Variants in TLE3 observed in about 807,000 individuals in gnomAD.
The protein encoded by TLE3 is transducin-like enhancer protein 3.
In TLE3, 14 loss-of-function variants were observed where a neutral mutation model predicts 93.0. The ratio of observed to expected loss-of-function variants is 0.15; its 90% confidence interval spans 0.10 to 0.24. The LOEUF (loss-of-function observed/expected upper bound fraction) is 0.24. Ranked by LOEUF, TLE3 falls within the 10% of genes least tolerant of loss-of-function variation. The pLI is 1.00. For synonymous variants in TLE3, 451 were observed against 425.0 expected, an observed-to-expected ratio of 1.06 and a Z score of -0.75; for missense variants, 693 against 1,046.6, an observed-to-expected ratio of 0.66 and a Z score of 4.66.
chr15:70,052,098 T>C (rs1328804621), intron 18 of TLE3, among the ~76,000 whole-genome samples: 1 of 152,252 alleles, frequency 6.6e-6, no homozygotes, highest in Non-Finnish European at 1.5e-5. Flanking sequence ...CCTGCACTGC[T>C]ACTGTCCTGT....
At chr15:70,055,002 T>A in intron 15 of TLE3, 47 bp downstream of exon 15, 3 of 1,545,654 alleles carry the variant, frequency 1.9e-6, no homozygotes, top group South Asian at 2.4e-5. Flanking sequence ...GGCTGCCCCA[T>A]CCTCCTACAC....
intron 14 of TLE3, 169 bp from the exon 15 acceptor site, chr15:70,055,467 C>T (rs570864438): frequency 4.0e-5 from 32 of 807,538 alleles, no homozygotes; most frequent in Admixed American, 3.7e-4. Flanking sequence ...ATGGCTCCAT[C>T]GAGGTAGACA....
chr15:70,056,468 C>T (rs1474757464), intron 13 of TLE3, 94 bp from the exon 14 acceptor site: 7 of 1,129,896 alleles, frequency 6.2e-6, no homozygotes, highest in South Asian at 4.1e-5. Flanking sequence ...CCTACCTGCA[C>T]GGCTCTGCCA....
chr15:70,096,422 C>T (rs1327395285), intron 1 of TLE3, 161 bp from the exon 2 acceptor site: 3 of 1,305,798 alleles, frequency 2.3e-6, no homozygotes, highest in Non-Finnish European at 2.1e-6. Context: ...GGAGGGGGGG[C>T]GCCCCATCTC....
chr15:70,094,936 C>G (rs1240127667), intron 3 of TLE3, among the ~76,000 whole-genome samples: 2 of 152,216 alleles, frequency 1.3e-5, no homozygotes, highest in African/African-American at 4.8e-5. Context: ...TGTCGAAGGC[C>G]TCTTATGTGG....
chr15:70,076,652 C>T (rs921133610), intron 4 of TLE3, among the ~76,000 whole-genome samples: 2 of 152,146 alleles, frequency 1.3e-5, no homozygotes, highest in African/African-American at 2.4e-5. Flanking sequence ...CTAGCCTCTC[C>T]CTCACCAAGA....
Position 70,058,317 on chromosome 15 carries a change from G to C in TLE3, c.919-26C>G, listed in dbSNP as rs150849507. ...CTGAAGAGGGGAGATGCAGAACAAGGGAGGCCATGAGGCTTCCATTCTCCT... is the reference window on the plus strand; with the variant it reads ...CTGAAGAGGGGAGATGCAGAACAAGCGAGGCCATGAGGCTTCCATTCTCCT... On this transcript the variant is annotated intron_variant, in intron 11 of 19. Transcript: ENST00000451782. The surrounding 1 kb of genome is among the most constrained non-coding windows in gnomAD (Gnocchi z 4.1). 323 of 1,576,844 alleles carry C rather than the reference G, an allele frequency of 2.0e-4. 1 individual carries two copies. The African/African-American group carries it at 4.1e-3, about 20-fold the overall frequency.
rs1421104708 is a variant in TLE3 at position 70,049,423 on chromosome 15, T to C, written c.*674A>G. On this transcript the variant is annotated 3_prime_UTR_variant, in exon 20 of 20. Transcript: ENST00000451782. ...AGCAGGCACCTTACGGCCAACCTGG[T>C]TGCCTTTTCCACACTCTAAGACTTT... The C allele has an allele frequency of 6.6e-6, 1 of 151,754 alleles. No individual in the cohort carries two copies. The highest frequency in any genetic ancestry group is 1.5e-5 in the Non-Finnish European group (1 of 67,992). 9.4% of individuals were successfully genotyped at this position (151,754 alleles called of 1,614,324 possible).
chr15:70,057,766 G>A, intron 12 of TLE3, 108 bp from the exon 13 acceptor site: 1 of 1,383,804 alleles, frequency 7.2e-7, no homozygotes, highest in South Asian at 1.3e-5. Context: ...GCCTGCTCCA[G>A]GCAGTCCTCT....
Position 70,053,230 on chromosome 15 carries a change from G to A in TLE3, c.1971C>T (p.Ser657=). The change falls in exon 17 of 20, where the codon TCC becomes TCT. Residue 657 remains serine (S), a synonymous_variant. Transcript: ENST00000451782. ...GRQLQQHDFT[S]QIFSLGYCPT... is the part of the protein sequence containing the mutation. ...GGAGGAGTCTTGGGCCGCACACCTGGGAAGTGAAGTCATGCTGCTGTAGCT... is the reference window on the plus strand; with the variant it reads ...GGAGGAGTCTTGGGCCGCACACCTGAGAAGTGAAGTCATGCTGCTGTAGCT... 5 of 1,609,266 alleles carry A rather than the reference G, an allele frequency of 3.1e-6. No homozygotes were observed. The highest frequency in any genetic ancestry group is 3.4e-6 in the Non-Finnish European group (4 of 1,177,932).
chr15:70,050,936 C>T (rs114802392), intron 19 of TLE3: 1 of 161,816 alleles, frequency 6.2e-6, no homozygotes, highest in African/African-American at 2.4e-5. Flanking sequence ...AAAGCCTCTT[C>T]CTTTCCTCCT....
Position 70,048,214 on chromosome 15 carries a change from T to C in TLE3, c.*1883A>G, listed in dbSNP as rs2055232447. 6.6e-6 allele frequency: 1 copy of C among 152,088 alleles called. No individual in the cohort carries two copies. The highest frequency in any genetic ancestry group is 2.1e-4 in the South Asian group (1 of 4,832). 9.4% of individuals were successfully genotyped at this position (152,088 alleles called of 1,614,324 possible). A position where few individuals can be genotyped will look rare whatever the true frequency, so the allele number is the denominator to read the frequency against. On this transcript the variant is annotated 3_prime_UTR_variant, in exon 20 of 20. Coordinates refer to ENST00000451782, the MANE Select transcript of TLE3 (RefSeq NM_001105192.3). The stretch of plus-strand genomic sequence containing the variant: ...CGCAACAATCAAACCAACCTTTAAA[T>C]AGTAACTTTTAAAAATATAAAAACA...
intron 4 of TLE3, among the ~76,000 whole-genome samples, chr15:70,090,266 G>A (rs145674665): frequency 1.0e-3 from 150 of 143,534 alleles, no homozygotes; most frequent in African/African-American, 3.6e-3. Flanking sequence ...AATATAGCAG[G>A]AAAAGTCAAG....
At chr15:70,090,248 G>T (rs988676321) in intron 4 of TLE3, among the ~76,000 whole-genome samples, 3 of 152,052 alleles carry the variant, frequency 2.0e-5, no homozygotes, top group African/African-American at 7.2e-5. Flanking sequence ...TCTGTTCCAG[G>T]GAAGATCAAT....
In TLE3 at chr15:70,058,047, G is replaced by T; in HGVS notation, c.1051+112C>A. 6.6e-7 allele frequency: 1 copy of T among 1,511,652 alleles called. No homozygotes were observed. Among genetic ancestry groups the T allele is most frequent in the Non-Finnish European group, 9.0e-7 (1 of 1,115,048 alleles). 93.6% of individuals were successfully genotyped at this position (1,511,652 alleles called of 1,614,324 possible). Reference sequence around the variant, plus strand: ...TGAAGTCCCCAGGGGCAGGCCCTGGGAGACACTGCCTGTGCTCTATCCCAT... The same window carrying T: ...TGAAGTCCCCAGGGGCAGGCCCTGGTAGACACTGCCTGTGCTCTATCCCAT... On this transcript the variant is annotated intron_variant, in intron 12 of 19. Transcript: ENST00000451782. This position sits in a 1 kb window ranked among gnomAD's most constrained non-coding sequence, Gnocchi z 4.1.
intron 17 of TLE3, 173 bp downstream of exon 17, chr15:70,053,054 T>C (rs1393686648): frequency 3.9e-6 from 3 of 763,136 alleles, no homozygotes; most frequent in Non-Finnish European, 6.1e-6. Context: ...GTCATCTCCA[T>C]CTGTTTCACT....
rs1364341020 is a variant in TLE3 at position 70,053,263 on chromosome 15, C to T, written c.1938G>A (p.Glu646=). 6.2e-7 allele frequency: 1 copy of T among 1,608,994 alleles called. No individual in the cohort carries two copies. The highest frequency in any genetic ancestry group is 8.5e-7 in the Non-Finnish European group (1 of 1,177,742). The change falls in exon 17 of 20, where the codon GAG becomes GAA. Residue 646 remains glutamate, a synonymous_variant. Coordinates refer to ENST00000451782, the MANE Select transcript of TLE3 (RefSeq NM_001105192.3). The part of the protein sequence containing the change: ...DNTVRSWDLR[E]GRQLQQHDFT... Reference sequence around the variant, plus strand: ...AGTCATGCTGCTGTAGCTGTCGGCCCTCCCGCAGGTCCCAGGAGCGCACCG... The same window carrying T: ...AGTCATGCTGCTGTAGCTGTCGGCCTTCCCGCAGGTCCCAGGAGCGCACCG...
chr15:70,096,465 A>C, intron 1 of TLE3: 2 of 1,148,092 alleles, frequency 1.7e-6, no homozygotes, highest in Non-Finnish European at 2.4e-6. Flanking sequence ...CATGCCTTTC[A>C]CCAAGGGCCT....
chr15:70,061,457 C>T (rs147275245), intron 8 of TLE3, among the ~76,000 whole-genome samples: 254 of 152,144 alleles, frequency 1.7e-3, no homozygotes, highest in African/African-American at 6.0e-3. Context: ...AACTATAAAG[C>T]AAATGAGGAT....
Sources: gnomAD v4.1 joint callset for allele counts (sites outside exome capture counted in the v4.1 genomes callset) on GRCh38, gnomAD v4.1.1 for gene constraint, Gnocchi (gnomAD v3.1) non-coding constraint, MANE v1.5 for transcripts, NCBI Gene and HGNC (gene_info 2026-07-23, HGNC 2026-07-21) for gene names.